The following DNAH9 variants were observed in gnomAD, a reference collection of about 807,000 sequenced individuals.
DNAH9 encodes the protein DNAH9 variant protein.
In DNAH9, 345 loss-of-function variants were observed where a neutral mutation model predicts 471.6. The ratio of observed to expected loss-of-function variants is 0.73; its 90% confidence interval spans 0.67 to 0.80. The LOEUF (loss-of-function observed/expected upper bound fraction) is 0.80. DNAH9 is among the 30% of genes least tolerant of loss of function. DNAH9 has a pLI of 0.00. For missense variants in DNAH9, 5,407 were observed against 5,609.2 expected (o/e 0.96, Z 1.15); for synonymous variants, 2,093 against 2,123.6 (o/e 0.99, Z 0.40).
rs4792200 is a variant in DNAH9, at chr17:11,942,725, C to A, written c.12843+240C>A. ...TCAACAAGGAAAGAGTCTACAATTT[C>A]TACTACCAGTTACTTAAACAAGTTT... On this transcript the variant is annotated intron_variant, in intron 67 of 68. Transcript: ENST00000262442. Among the ~76,000 whole-genome samples, 1,137 of 152,262 alleles carry A rather than the reference C, an allele frequency of 7.5e-3. 20 individuals are homozygous for A. Among genetic ancestry groups the A allele is most frequent in the African/African-American group, 0.026 (1,087 of 41,552 alleles).
At chr17:11,620,511 CAA>C (rs11440277) in intron 6 of DNAH9, among the ~76,000 whole-genome samples, 6 of 119,188 alleles carry the variant, frequency 5.0e-5, no homozygotes, top group African/African-American at 3.2e-5. Flanking sequence ...GACTCTGTCT[CAA>C]AAAAAAAAAA....
At chr17:11,806,205 A>G (rs1969675318) in intron 43 of DNAH9, among the ~76,000 whole-genome samples, 1 of 152,208 alleles carries the variant, frequency 6.6e-6, no homozygotes, top group African/African-American at 2.4e-5. Context: ...CCTCCAATAT[A>G]GCAGATCCAC....
intron 54 of DNAH9, 92 bp from the exon 55 acceptor site, chr17:11,881,117 T>C: frequency 1.7e-6 from 2 of 1,155,404 alleles, no homozygotes; most frequent in Non-Finnish European, 2.6e-6. Context: ...CATCTGAATA[T>C]AGCAATATTG....
chr17:11,887,736 TCACA>T (rs35670481), intron 57 of DNAH9, among the ~76,000 whole-genome samples: 2,897 of 147,268 alleles, frequency 0.02, 51 homozygotes, highest in African/African-American at 0.053. Context: ...ATACACACAG[TCACA>T]CACACACACA....
chr17:11,933,326 T>C (rs1217873917), intron 64 of DNAH9, among the ~76,000 whole-genome samples: 2 of 152,008 alleles, frequency 1.3e-5, no homozygotes, highest in African/African-American at 4.8e-5. Flanking sequence ...ATATGGGGCG[T>C]GGGGTTGGCA....
rs1283534393 is a variant in DNAH9 at position 11,923,955 on chromosome 17, C to T, written c.11877+14C>T. On this transcript the variant is annotated intron_variant, in intron 62 of 68. Transcript: ENST00000262442. ...GTTATTTTGCAGGTATGTTCCTCTA[C>T]CCTTGTCTGGGTTATCTTGACCCAT... 5 of 1,612,814 alleles carry T rather than the reference C, an allele frequency of 3.1e-6. No individual in the cohort carries two copies. In the South Asian group the frequency reaches 4.4e-5, roughly 14 times the overall value.
At chr17:11,738,549 T>G (rs938543660) in intron 28 of DNAH9, among the ~76,000 whole-genome samples, 2 of 152,190 alleles carry the variant, frequency 1.3e-5, no homozygotes, top group Admixed American at 1.3e-4. Flanking sequence ...CCCGGCTGAT[T>G]TTTGTATTTT....
chr17:11,729,489 T>G (rs2075220949), intron 28 of DNAH9, among the ~76,000 whole-genome samples: 1 of 152,232 alleles, frequency 6.6e-6, no homozygotes, highest in Admixed American at 6.5e-5. Context: ...GTGTTTGCTT[T>G]TATTTCCAAA....
In DNAH9 at chr17:11,930,690, G is replaced by C. The variant is rs150925991; in HGVS notation, c.12105+597G>C. On this transcript the variant is annotated intron_variant, in intron 63 of 68. Transcript: ENST00000262442. ...TGAGGCAAGAGAATGGCGTGAACCT[G>C]GGAGGCGGAGCTTGCAGTGAGCCGA... Among the ~76,000 whole-genome samples the C allele has an allele frequency of 6.9e-3, 1,050 of 151,588 alleles. 6 individuals carry two copies. Among genetic ancestry groups the C allele is most frequent in the African/African-American group, 0.023 (959 of 41,186 alleles).
At position 11,763,378 on chromosome 17, in the gene DNAH9, A is replaced by C. The variant is rs150308748; in HGVS notation, c.6996-62A>C. 285 of 1,484,246 alleles carry C rather than the reference A, an allele frequency of 1.9e-4. 4 individuals are homozygous for C. The East Asian group carries it at 5.1e-3, about 27-fold the overall frequency. The allele number at this position is 1,484,246 out of a possible 1,614,324, so 91.9% of individuals were successfully genotyped here. ...AAACTGAGTGGTTCCATAGCTGTCCAACAGCACCACCAGAATGGAATATCC... is the reference window on the plus strand; with the variant it reads ...AAACTGAGTGGTTCCATAGCTGTCCCACAGCACCACCAGAATGGAATATCC... On this transcript the variant is annotated intron_variant, in intron 35 of 68. Coordinates refer to ENST00000262442, the MANE Select transcript of DNAH9 (RefSeq NM_001372.4).
chr17:11,701,280 G>A (rs1308107544), intron 24 of DNAH9, 33 bp downstream of exon 24: 2 of 1,610,824 alleles, frequency 1.2e-6, no homozygotes. Flanking sequence ...ATCCTCCATG[G>A]TTGGGGCTGT....
chr17:11,716,876 G>A (rs2074974261), intron 26 of DNAH9, among the ~76,000 whole-genome samples: 1 of 152,220 alleles, frequency 6.6e-6, no homozygotes, highest in Non-Finnish European at 1.5e-5. Flanking sequence ...CCTCCTGGGA[G>A]GCAGGGGGCC....
Position 11,891,875 on chromosome 17 carries a change from T to C in DNAH9, c.11211T>C (p.Ser3737=). Residue 3737 remains serine, a synonymous_variant, in exon 58 of 69, where the codon TCT becomes TCC. Transcript: ENST00000262442. ...VANLIDSITF[S]VYQYTIRGLF... ...ACCTAATAGACAGCATAACCTTCTC[T>C]GTGTACCAGTACACCATCCGCGGGC... The C allele has an allele frequency of 6.2e-7, 1 of 1,614,162 alleles. No individual in the cohort carries two copies. Among genetic ancestry groups the C allele is most frequent in the Non-Finnish European group, 8.5e-7 (1 of 1,180,022 alleles).
intron 50 of DNAH9, among the ~76,000 whole-genome samples, chr17:11,858,201 G>A (rs9899011): frequency 2.6e-4 from 39 of 152,230 alleles, no homozygotes; most frequent in Middle Eastern, 3.4e-3. Context: ...GGCATTTTCC[G>A]TGAGCATATT....
chr17:11,748,253 G>T (rs553858228), intron 32 of DNAH9, among the ~76,000 whole-genome samples: 1 of 152,046 alleles, frequency 6.6e-6, no homozygotes, highest in African/African-American at 2.4e-5. Context: ...CTTGAACCCG[G>T]GTGGTGGAGG....
intron 28 of DNAH9, among the ~76,000 whole-genome samples, chr17:11,734,343 A>G (rs904051183): frequency 6.6e-6 from 1 of 152,244 alleles, no homozygotes; most frequent in Non-Finnish European, 1.5e-5. Context: ...TCTACAAAAT[A>G]GTAATGCACA....
chr17:11,905,507 T>C (rs1973564449), intron 60 of DNAH9, among the ~76,000 whole-genome samples, 154 bp from the exon 61 acceptor site: 1 of 152,192 alleles, frequency 6.6e-6, no homozygotes, highest in African/African-American at 2.4e-5. Context: ...GTTGACTTAA[T>C]AAGCAGTGGA....
intron 50 of DNAH9, among the ~76,000 whole-genome samples, chr17:11,861,188 C>T (rs1480614248): frequency 6.6e-6 from 1 of 152,064 alleles, no homozygotes; most frequent in Non-Finnish European, 1.5e-5. Flanking sequence ...CCCCCAACCC[C>T]ACAACAGTCC....
chr17:11,939,172 A>T (rs1467747542), intron 66 of DNAH9, among the ~76,000 whole-genome samples: 1 of 152,194 alleles, frequency 6.6e-6, no homozygotes, highest in African/African-American at 2.4e-5. Context: ...TGAGGTGAGC[A>T]TACTTCGAGA....
Sources: allele counts gnomAD v4.1 joint callset (sites outside exome capture counted in the v4.1 genomes callset), GRCh38; gene constraint gnomAD v4.1.1; transcripts MANE v1.5; gene names NCBI Gene and HGNC (gene_info 2026-07-23, HGNC 2026-07-21).